CTPS1: variants seen among roughly 807,000 people sequenced by gnomAD.
CTPS1 encodes the protein CTP synthetase 1.
In CTPS1, 25 loss-of-function variants were observed where a neutral mutation model predicts 80.5. The ratio of observed to expected loss-of-function variants is 0.31; its 90% CI spans 0.23 to 0.43. CTPS1 has a LOEUF of 0.43. Ranked by LOEUF, CTPS1 falls within the 20% of genes least tolerant of loss-of-function variation. CTPS1 has a pLI of 1.00. For missense variants in CTPS1, 442 were observed against 725.7 expected, an observed-to-expected ratio of 0.61 and a Z score of 4.49; for synonymous variants, 267 against 252.5, an observed-to-expected ratio of 1.06 and a Z score of -0.54.
At chr1:40,980,081 C>G (rs943555117) in intron 1 of CTPS1, 3 of 151,110 alleles carry the variant, frequency 2.0e-5, no homozygotes, top group African/African-American at 4.8e-5. Context: ...GGAGAGGGGC[C>G]AAGCGGGGCG....
At chr1:40,992,221 A>G (rs1486573821) in intron 7 of CTPS1, among the ~76,000 whole-genome samples, 1 of 152,176 alleles carries the variant, frequency 6.6e-6, no homozygotes, top group Non-Finnish European at 1.5e-5. Context: ...TAGCGAAGAC[A>G]TAGTGTTGTC....
chr1:40,995,985 A>G lies in CTPS1; in HGVS notation c.789A>G (p.Val263=). 6.2e-7 allele frequency: 1 copy of G among 1,614,170 alleles called. No homozygotes were observed. Among genetic ancestry groups the G allele is most frequent in the Non-Finnish European group, 8.5e-7 (1 of 1,180,016 alleles). ...VPLLLEEQGV[V]DYFLRRLDLP... is the part of the protein sequence containing the mutation. ...TGTTGTTAGAGGAGCAAGGGGTTGT[A>G]GATTATTTTCTTCGAAGACTTGACC... Residue 263 remains valine (V), a synonymous_variant, in exon 8 of 19, where the codon GTA becomes GTG. Coordinates refer to ENST00000650070, the MANE Select transcript of CTPS1 (RefSeq NM_001905.4).
intron 5 of CTPS1, among the ~76,000 whole-genome samples, chr1:40,990,772 T>C (rs543440439): frequency 1.3e-5 from 2 of 152,326 alleles, no homozygotes; most frequent in Non-Finnish European, 2.9e-5. Context: ...ATTTAAATAC[T>C]TAAAAAGTAT....
At chr1:41,005,694 C>T (rs1175250866) in intron 12 of CTPS1, among the ~76,000 whole-genome samples, 3 of 152,060 alleles carry the variant, frequency 2.0e-5, no homozygotes, top group African/African-American at 7.2e-5. Flanking sequence ...ATTGCTTGAG[C>T]CCAGGTGTTT....
At chr1:40,984,360 A>G (rs57422883) in intron 2 of CTPS1, among the ~76,000 whole-genome samples, 1,587 of 152,366 alleles carry the variant, frequency 0.01, 31 homozygotes, top group African/African-American at 0.036. Flanking sequence ...GTTGTTTAGA[A>G]CAAAAGCAGA....
chr1:40,988,136 A>T (rs1202755104), intron 4 of CTPS1, among the ~76,000 whole-genome samples: 2 of 151,812 alleles, frequency 1.3e-5, no homozygotes, highest in African/African-American at 4.8e-5. Context: ...ATGGTCTCTA[A>T]CTCCTGAACT....
intron 2 of CTPS1, among the ~76,000 whole-genome samples, chr1:40,983,873 G>A (rs1454252117): frequency 6.6e-6 from 1 of 152,148 alleles, no homozygotes; most frequent in Non-Finnish European, 1.5e-5. Context: ...CCAAAGTGCT[G>A]GGTTTTATAG....
chr1:40,991,503 A>G (rs1233679216), intron 6 of CTPS1, among the ~76,000 whole-genome samples: 2 of 152,136 alleles, frequency 1.3e-5, no homozygotes, highest in Non-Finnish European at 1.5e-5. Context: ...TGGGAACACT[A>G]ATGGAGGAAA....
chr1:40,984,770 A>G, intron 2 of CTPS1, 51 bp from the exon 3 acceptor site: 2 of 1,340,352 alleles, frequency 1.5e-6, no homozygotes, highest in Non-Finnish European at 2.0e-6. Flanking sequence ...CAGTTGTGCC[A>G]TGGTATAGGT....
rs551208047 is a variant in CTPS1 at position 41,002,313 on chromosome 1, C to T, written c.1189+59C>T. ...AGTAGGAAAGAGTGGGGAACGGTGC[C>T]ACGTGGGAGCCTATGAACAAAGTGG... is the stretch of plus-strand genomic sequence containing the variant. On this transcript the variant is annotated intron_variant, in intron 11 of 18. Coordinates refer to ENST00000650070, the MANE Select transcript of CTPS1 (RefSeq NM_001905.4). 2.9e-6 allele frequency: 4 copies of T among 1,372,802 alleles called. No individual in the cohort carries two copies. The African/African-American group carries it at 5.7e-5, about 20-fold the overall frequency. 85.0% of individuals were successfully genotyped at this position (1,372,802 alleles called of 1,614,324 possible). A position where few individuals can be genotyped will look rare whatever the true frequency, so the allele number is the denominator to read the frequency against.
In CTPS1 at chr1:41,008,887, G is replaced by A; in HGVS notation, c.1543G>A (p.Glu515Lys). ...EGERMEIVEL[E>K]DHPFFVGVQY... ...AGAGAGAATGGAAATTGTGGAGTTAGAAGGTGATTATTCGGGCAGTTTTAT... is the reference window on the plus strand; with the variant it reads ...AGAGAGAATGGAAATTGTGGAGTTAAAAGGTGATTATTCGGGCAGTTTTAT... The change falls in exon 16 of 19, where the codon GAA (glutamate) becomes AAA (lysine). Residue 515 changes from glutamate (E) to lysine (K), a missense_variant. This residue lies in a region of CTPS1 where 321 missense variants were observed against 467.2 expected (regional missense o/e 0.69). Transcript: ENST00000650070. 1.2e-6 allele frequency: 2 copies of A among 1,612,402 alleles called. No homozygotes were observed. The highest frequency in any genetic ancestry group is 1.7e-6 in the Non-Finnish European group (2 of 1,178,390).
chr1:40,995,898 C>G lies in CTPS1; in HGVS notation c.721-19C>G, dbSNP rs560478107. The G allele has an allele frequency of 6.2e-7, 1 of 1,603,836 alleles. No homozygotes were observed. Among genetic ancestry groups the G allele is most frequent in the Non-Finnish European group, 8.5e-7 (1 of 1,173,390 alleles). On this transcript the variant is annotated intron_variant, in intron 7 of 18. Transcript: ENST00000650070. ...GTGAGTTTTTGCTTTTATTTAATAA[C>G]TTGCTTTTTTCTAAACAGGTGATCT... is the stretch of plus-strand genomic sequence containing the variant.
rs1315785662 is a variant in CTPS1 at position 41,006,064 on chromosome 1, A to G, written c.1266A>G (p.Thr422=). The part of the protein sequence containing the change: ...NVLGWQDANS[T]EFDPTTSHPV... ...TTGGTATTTCAGATGCCAATTCTAC[A>G]GAGTTTGACCCTACGACCAGTCATC... The change falls in exon 13 of 19, where the codon ACA becomes ACG. Residue 422 remains threonine, a synonymous_variant. Coordinates refer to ENST00000650070, the MANE Select transcript of CTPS1 (RefSeq NM_001905.4). 6.2e-7 allele frequency: 1 copy of G among 1,613,608 alleles called. No homozygotes were observed. Among genetic ancestry groups the G allele is most frequent in the East Asian group, 2.2e-5 (1 of 44,886 alleles).
intron 3 of CTPS1, among the ~76,000 whole-genome samples, chr1:40,985,283 G>A (rs1240104966): frequency 6.6e-6 from 1 of 152,246 alleles, no homozygotes; most frequent in African/African-American, 2.4e-5. Context: ...TTTTTACACA[G>A]TAATGAGTGT....
At chr1:41,010,822 G>C (rs1643153744) in intron 18 of CTPS1, among the ~76,000 whole-genome samples, 1 of 152,216 alleles carries the variant, frequency 6.6e-6, no homozygotes, top group African/African-American at 2.4e-5. Context: ...TGTCTATTAA[G>C]TGACAGGGTT....
intron 3 of CTPS1, among the ~76,000 whole-genome samples, chr1:40,985,836 T>C (rs983873874): frequency 1.3e-5 from 2 of 152,188 alleles, no homozygotes; most frequent in African/African-American, 4.8e-5. Context: ...CTCTTCAAAA[T>C]GTGGATTCCT....
chr1:41,002,110 TGGACTGGTAGAAAAGG>T, intron 10 of CTPS1, 34 bp from the exon 11 acceptor site: 1 of 1,548,418 alleles, frequency 6.5e-7, no homozygotes, highest in Non-Finnish European at 8.9e-7. Flanking sequence ...TATTGCAAGT[TGGACTGGTAGAAAAGG>T]GGAATTGCCT....
At chr1:40,987,980 A>G (rs1357716697) in intron 4 of CTPS1, among the ~76,000 whole-genome samples, 1 of 152,076 alleles carries the variant, frequency 6.6e-6, no homozygotes, top group Non-Finnish European at 1.5e-5. Flanking sequence ...TGCAGCAGTC[A>G]TGGCTCACTG....
intron 3 of CTPS1, among the ~76,000 whole-genome samples, chr1:40,986,986 G>A (rs762928018): frequency 5.9e-5 from 9 of 152,186 alleles, no homozygotes; most frequent in South Asian, 2.1e-4. Flanking sequence ...ATATGGAACA[G>A]GGTCCCAGAA....
Sources: gnomAD v4.1 joint callset for allele counts (sites outside exome capture counted in the v4.1 genomes callset) on GRCh38, gnomAD v4.1.1 for gene constraint, gnomAD v4.1.1 regional missense constraint, MANE v1.5 for transcripts, NCBI Gene and HGNC (gene_info 2026-07-23, HGNC 2026-07-21) for gene names.